Variants in VWDE observed in about 807,000 individuals in gnomAD.
VWDE encodes the protein von Willebrand factor D and EGF domains.
VWDE carries 207 observed loss-of-function variants against 178.4 expected under a neutral mutation model. The observed-to-expected ratio is 1.16, with a 90% CI of 1.04 to 1.30. VWDE has a LOEUF of 1.30. VWDE is among the 50% of genes most tolerant of loss of function. The pLI is 0.00. For synonymous variants in VWDE, 738 were observed against 651.4 expected (o/e 1.13, Z -2.02); for missense variants, 2,287 against 1,901.3 (o/e 1.20, Z -3.77).
intron 12 of VWDE, among the ~76,000 whole-genome samples, chr7:12,368,358 G>C (rs910612620): frequency 6.6e-6 from 1 of 151,882 alleles, no homozygotes; most frequent in Non-Finnish European, 1.5e-5. Context: ...AGAAAAACAA[G>C]TCTATTTTGA....
intron 13 of VWDE, among the ~76,000 whole-genome samples, 189 bp downstream of exon 13, chr7:12,367,168 A>G (rs16877397): frequency 0.13 from 19,264 of 152,092 alleles, 1,383 homozygotes; most frequent in East Asian, 0.2. Flanking sequence ...TAAAAAGTTT[A>G]TAAGATATTT....
At chr7:12,354,063 G>C (rs1262352565) in intron 18 of VWDE, 1 of 159,284 alleles carries the variant, frequency 6.3e-6, no homozygotes, top group South Asian at 1.8e-4. Flanking sequence ...AGGTAGATAA[G>C]ATTCCCTGTG....
chr7:12,355,716 C>A (rs1267030718), intron 18 of VWDE, among the ~76,000 whole-genome samples: 2 of 152,070 alleles, frequency 1.3e-5, no homozygotes, highest in African/African-American at 4.8e-5. Flanking sequence ...CATGATATTT[C>A]TAAGTCAACG....
chr7:12,346,771 T>C (rs746602463), intron 19 of VWDE, among the ~76,000 whole-genome samples: 8 of 152,152 alleles, frequency 5.3e-5, no homozygotes, highest in Non-Finnish European at 1.0e-4. Context: ...TTATGCTTTC[T>C]ATTGCAAATT....
At chr7:12,390,850 C>G (rs1449278741) in intron 2 of VWDE, among the ~76,000 whole-genome samples, 2 of 151,908 alleles carry the variant, frequency 1.3e-5, no homozygotes, top group Non-Finnish European at 2.9e-5. Context: ...TCAAAAGCCT[C>G]AAAAAGACTT....
At chr7:12,364,876 C>T (rs573947687) in intron 13 of VWDE, among the ~76,000 whole-genome samples, 11 of 152,114 alleles carry the variant, frequency 7.2e-5, no homozygotes, top group South Asian at 6.2e-4. Flanking sequence ...AGATACATGG[C>T]AAAAACCCCT....
At chr7:12,332,366 T>C (rs2128542905) in intron 28 of VWDE, among the ~76,000 whole-genome samples, 1 of 152,210 alleles carries the variant, frequency 6.6e-6, no homozygotes, top group Non-Finnish European at 1.5e-5. Context: ...TTTAAATGCA[T>C]TCTTAGAAGC....
rs1276430184 is a variant in VWDE at position 12,403,835 on chromosome 7, T to C, written c.-119A>G. 1.8e-6 allele frequency: 2 copies of C among 1,114,606 alleles called. No individual in the cohort carries two copies. The highest frequency in any genetic ancestry group is 3.1e-5 in the African/African-American group (2 of 64,478). 69.0% of individuals were successfully genotyped at this position (1,114,606 alleles called of 1,614,324 possible). A position where few individuals can be genotyped will look rare whatever the true frequency, so the allele number is the denominator to read the frequency against. On this transcript the variant is annotated 5_prime_UTR_variant, in exon 1 of 29. Transcript: ENST00000275358. ...TTGGATTTTCTCAGTCTGTTGCTGC[T>C]TGGAACAGGGAAGCTCCGCGTCCTC...
chr7:12,361,078 T>G (rs1422294651), intron 15 of VWDE, 69 bp downstream of exon 15: 3 of 940,644 alleles, frequency 3.2e-6, no homozygotes, highest in Non-Finnish European at 4.7e-6. Context: ...CTACAATTAA[T>G]GTGCCCACAG....
intron 13 of VWDE, among the ~76,000 whole-genome samples, chr7:12,364,849 C>G (rs12699365): frequency 0.42 from 64,435 of 151,852 alleles, 13,748 homozygotes; most frequent in South Asian, 0.46. Context: ...AAGGGAAAAA[C>G]AGGGAGCTTA....
At position 12,336,166 on chromosome 7, in the gene VWDE, G is replaced by T. The variant is rs962762381; in HGVS notation, c.4629C>A (p.Ser1543=). 5.8e-6 allele frequency: 9 copies of T among 1,551,016 alleles called. No homozygotes were observed. Among genetic ancestry groups the T allele is most frequent in the Non-Finnish European group, 7.8e-6 (9 of 1,146,644 alleles). ...GTATTTGACACCGCACTCCTTCCCA[G>T]GAGGAAGGACAATGGCATATGCTGG... ...IAPSICHCPS[S]WEGVRCQIPI... The change falls in exon 27 of 29, where the codon TCC becomes TCA. Residue 1543 remains serine, a synonymous_variant. Coordinates refer to ENST00000275358, the MANE Select transcript of VWDE (RefSeq NM_001135924.3).
chr7:12,345,356 A>G (rs1781547367), intron 19 of VWDE, among the ~76,000 whole-genome samples: 1 of 152,094 alleles, frequency 6.6e-6, no homozygotes, highest in African/African-American at 2.4e-5. Context: ...TGAATTAGAT[A>G]ATTTTCTTTG....
At chr7:12,364,043 C>A (rs1360225148) in intron 13 of VWDE, among the ~76,000 whole-genome samples, 3 of 151,726 alleles carry the variant, frequency 2.0e-5, no homozygotes, top group Non-Finnish European at 1.5e-5. Flanking sequence ...ATTGAGAAAC[C>A]AGGTAAATAT....
intron 18 of VWDE, among the ~76,000 whole-genome samples, chr7:12,355,551 T>C (rs1782194299): frequency 6.6e-6 from 1 of 152,186 alleles, no homozygotes. Context: ...AATATTTACA[T>C]CTATTAAATG....
chr7:12,351,432 G>A (rs978846690), intron 19 of VWDE, 141 bp downstream of exon 19: 3 of 863,016 alleles, frequency 3.5e-6, no homozygotes, highest in Non-Finnish European at 1.7e-6. Flanking sequence ...CAAGAGAAAG[G>A]ATAAATTTTA....
chr7:12,345,721 C>T (rs952984359), intron 19 of VWDE, among the ~76,000 whole-genome samples: 27 of 152,250 alleles, frequency 1.8e-4, no homozygotes, highest in Admixed American at 7.2e-4. Context: ...CTGTTCTTCA[C>T]AGAAACTTCC....
chr7:12,383,326 A>T (rs1211737685), intron 4 of VWDE, among the ~76,000 whole-genome samples: 2 of 152,110 alleles, frequency 1.3e-5, no homozygotes, highest in Admixed American at 6.6e-5. Context: ...CTACTAATAC[A>T]CACACGTTTG....
At position 12,342,161 on chromosome 7, in the gene VWDE, T is replaced by A. The variant is rs750953104; in HGVS notation, c.4175-7A>T. ...CAGTGCCTGTTACAAACCACTGAGA[T>A]CATAGAATAAAGAGAAAAGAAAGAT... On this transcript the variant is annotated splice_region_variant and splice_polypyrimidine_tract_variant and intron_variant, in intron 22 of 28. Transcript: ENST00000275358. 1.3e-6 allele frequency: 2 copies of A among 1,549,788 alleles called. No homozygotes were observed. Among genetic ancestry groups the A allele is most frequent in the South Asian group, 2.4e-5 (2 of 83,866 alleles).
chr7:12,399,548 C>A (rs1307955151), intron 1 of VWDE, among the ~76,000 whole-genome samples: 1 of 152,062 alleles, frequency 6.6e-6, no homozygotes, highest in Non-Finnish European at 1.5e-5. Context: ...TAAATTAGAA[C>A]AACAATATAA....
Sources: allele counts gnomAD v4.1 joint callset (sites outside exome capture counted in the v4.1 genomes callset), GRCh38; gene constraint gnomAD v4.1.1; transcripts MANE v1.5; gene names NCBI Gene and HGNC (gene_info 2026-07-23, HGNC 2026-07-21).